AOPEP: variants seen among roughly 807,000 people sequenced by gnomAD.
The protein encoded by AOPEP is aminopeptidase O (putative).
A neutral mutation model predicts 98.1 loss-of-function variants in AOPEP; 77 were observed. The observed-to-expected ratio is 0.78, with a 90% CI of 0.65 to 0.95. AOPEP has a LOEUF of 0.95. Ranked by LOEUF, AOPEP falls within the 40% of genes least tolerant of loss-of-function variation. AOPEP has a pLI of 0.00. For synonymous variants in AOPEP, 346 were observed against 365.3 expected, an observed-to-expected ratio of 0.95 and a Z score of 0.60; for missense variants, 1,024 against 1,024.7, an observed-to-expected ratio of 1.00 and a Z score of 0.01.
chr9:94,933,617 G>A (rs764383284), intron 7 of AOPEP: 4 of 985,182 alleles, frequency 4.1e-6, no homozygotes, highest in South Asian at 4.7e-5. Flanking sequence ...AATAATAGGG[G>A]GAAAACCCCA....
intron 13 of AOPEP, among the ~76,000 whole-genome samples, chr9:95,013,866 C>T (rs2062767591): frequency 6.6e-6 from 1 of 152,120 alleles, no homozygotes; most frequent in South Asian, 2.1e-4. Flanking sequence ...GGGGAGTGAC[C>T]TGGTCATTTT....
chr9:94,906,024 TAATA>T (rs1045283930), intron 5 of AOPEP, among the ~76,000 whole-genome samples: 21 of 152,144 alleles, frequency 1.4e-4, no homozygotes, highest in African/African-American at 4.6e-4. Context: ...ACGAATAACT[TAATA>T]AAGAATAAAA....
the AOPEP span, among the ~76,000 whole-genome samples, chr9:95,105,857 G>A: frequency 3.9e-5 from 6 of 152,318 alleles, no homozygotes; most frequent in Admixed American, 6.5e-5. Flanking sequence ...CAGATCACAC[G>A]GTGCATTGCT....
At chr9:95,111,655 C>G in the AOPEP span, 2 of 1,613,976 alleles carry the variant, frequency 1.2e-6, no homozygotes, top group Admixed American at 1.7e-5. Flanking sequence ...AGAGGCAGAA[C>G]ACATGGCAGT....
At chr9:94,931,776 C>T in intron 7 of AOPEP, 1 of 1,550,156 alleles carries the variant, frequency 6.5e-7, no homozygotes, top group East Asian at 2.4e-5. Flanking sequence ...CACTGTTCAA[C>T]ATGTTTGACC....
intron 1 of AOPEP, among the ~76,000 whole-genome samples, chr9:94,751,923 C>T (rs1002260519): frequency 1.2e-4 from 17 of 137,512 alleles, no homozygotes; most frequent in African/African-American, 3.7e-4. Flanking sequence ...GAAAGGGTCT[C>T]GCTGTGTTGC....
the AOPEP span, among the ~76,000 whole-genome samples, chr9:95,108,206 T>G: frequency 6.6e-6 from 1 of 152,150 alleles, no homozygotes; most frequent in Non-Finnish European, 1.5e-5. Flanking sequence ...ACACTGGGTG[T>G]GTTGTGTGAG....
chr9:94,884,695 G>A (rs932070300), intron 5 of AOPEP, among the ~76,000 whole-genome samples: 1 of 152,160 alleles, frequency 6.6e-6, no homozygotes, highest in Non-Finnish European at 1.5e-5. Flanking sequence ...AAGATGAAGC[G>A]AGTAAATGCA....
At chr9:94,990,265 C>G (rs1214569496) in intron 11 of AOPEP, among the ~76,000 whole-genome samples, 2 of 151,948 alleles carry the variant, frequency 1.3e-5, no homozygotes, top group East Asian at 1.9e-4. Flanking sequence ...AAGGTGTAGT[C>G]TGGTGAGCCA....
At chr9:94,914,523 C>CGTGTGTGT (rs67826706) in intron 5 of AOPEP, among the ~76,000 whole-genome samples, 20,323 of 143,488 alleles carry the variant, frequency 0.14, 1,534 homozygotes, top group East Asian at 0.21. Flanking sequence ...TGGCATTAGA[C>CGTGTGTGT]GTGTGTGTGT....
intron 5 of AOPEP, among the ~76,000 whole-genome samples, chr9:94,802,614 A>G (rs908533803): frequency 9.9e-5 from 15 of 152,222 alleles, no homozygotes; most frequent in Non-Finnish European, 1.9e-4. Context: ...GTACCATAAG[A>G]CCAAATGGTC....
downstream of AOPEP, among the ~76,000 whole-genome samples, chr9:95,089,497 A>C (rs1403539008): frequency 6.6e-6 from 1 of 152,228 alleles, no homozygotes; most frequent in African/African-American, 2.4e-5. Flanking sequence ...GTTTGAACGC[A>C]GGTCCACATG....
intron 1 of AOPEP, among the ~76,000 whole-genome samples, chr9:94,757,242 AG>A (rs1837261772): frequency 6.6e-6 from 1 of 152,252 alleles, no homozygotes; most frequent in Non-Finnish European, 1.5e-5. Context: ...TCAGCAAAGC[AG>A]GGGGCCAGAT....
intron 3 of AOPEP, among the ~76,000 whole-genome samples, chr9:94,779,679 AATAT>A (rs1240070592): frequency 1.3e-5 from 2 of 151,308 alleles, no homozygotes. Context: ...TATTGATATA[AATAT>A]ATAAATATAA....
chr9:95,090,295 A>C (rs545213737), downstream of AOPEP, among the ~76,000 whole-genome samples: 1 of 152,358 alleles, frequency 6.6e-6, no homozygotes, highest in African/African-American at 2.4e-5. Flanking sequence ...CTCCAGGAGA[A>C]CAAACGGATG....
At chr9:95,017,230 G>A (rs1564528516) in intron 13 of AOPEP, among the ~76,000 whole-genome samples, 1 of 151,872 alleles carries the variant, frequency 6.6e-6, no homozygotes, top group Non-Finnish European at 1.5e-5. Context: ...CAGTGTCAAA[G>A]CTATACAGTC....
At chr9:94,951,089 A>G (rs914749079) in intron 7 of AOPEP, among the ~76,000 whole-genome samples, 11 of 152,250 alleles carry the variant, frequency 7.2e-5, no homozygotes, top group African/African-American at 2.7e-4. Context: ...TTTGGTGCCA[A>G]GTACAACAGA....
chr9:95,071,781 G>C (rs1037969724), intron 14 of AOPEP, among the ~76,000 whole-genome samples: 2 of 152,188 alleles, frequency 1.3e-5, no homozygotes, highest in Non-Finnish European at 2.9e-5. Context: ...TAATTTTTCT[G>C]TAAGACACTG....
intron 11 of AOPEP, among the ~76,000 whole-genome samples, chr9:94,995,805 A>G (rs2061185553): frequency 6.6e-6 from 1 of 152,242 alleles, no homozygotes; most frequent in Admixed American, 6.5e-5. Flanking sequence ...AATCCTGCAT[A>G]TTAGGAGGTG....
Sources: allele counts gnomAD v4.1 joint callset (sites outside exome capture counted in the v4.1 genomes callset), GRCh38; gene constraint gnomAD v4.1.1; transcripts MANE v1.5; gene names NCBI Gene and HGNC (gene_info 2026-07-23, HGNC 2026-07-21).